The following SIK2 variants were observed in gnomAD, a reference collection of about 807,000 sequenced individuals.
SIK2 encodes the protein serine/threonine-protein kinase SIK2.
A neutral mutation model predicts 103.2 loss-of-function variants in SIK2; 29 were observed. That is an observed-to-expected ratio of 0.28 (90% confidence interval 0.21 to 0.38). The LOEUF (loss-of-function observed/expected upper bound fraction) is 0.38, where lower values mean the gene tolerates loss of function less well. SIK2 is among the 10% of genes least tolerant of loss of function. The probability of loss-of-function intolerance (pLI) is 1.00; values close to 1 mark genes in which losing one functional copy is unlikely to be tolerated. For synonymous variants in SIK2, 412 were observed against 446.1 expected (o/e 0.92, Z 0.96); for missense variants, 879 against 1,171.0 (o/e 0.75, Z 3.64).
At chr11:111,700,155 G>A (rs1348400571) in intron 4 of SIK2, among the ~76,000 whole-genome samples, 3 of 152,222 alleles carry the variant, frequency 2.0e-5, no homozygotes, top group Non-Finnish European at 2.9e-5. Flanking sequence ...CATCTAAGTA[G>A]TGTTTCCAGA....
chr11:111,641,614 A>G (rs1488961621), intron 3 of SIK2, among the ~76,000 whole-genome samples: 3 of 152,086 alleles, frequency 2.0e-5, no homozygotes, highest in Non-Finnish European at 4.4e-5. Context: ...TCAGCTCATG[A>G]TTAGGATCCC....
intron 3 of SIK2, among the ~76,000 whole-genome samples, chr11:111,655,207 G>A (rs375107404): frequency 1.5e-3 from 224 of 152,292 alleles, no homozygotes; most frequent in Non-Finnish European, 2.4e-3. Flanking sequence ...TTCAAGACCA[G>A]CCTGGCCAAC....
chr11:111,627,972 C>T (rs1201765432), intron 3 of SIK2, among the ~76,000 whole-genome samples: 1 of 152,152 alleles, frequency 6.6e-6, no homozygotes, highest in Non-Finnish European at 1.5e-5. Context: ...TAGTCAAGTA[C>T]ATTTTATATA....
chr11:111,629,383 T>G lies in SIK2; in HGVS notation c.316+8981T>G, dbSNP rs141426617. Reference sequence around the variant, plus strand: ...AGCCTGTACTGTTAGTAATTATACTTTAGCACCTGTCAAGAATTCCTGTTG... The same window carrying G: ...AGCCTGTACTGTTAGTAATTATACTGTAGCACCTGTCAAGAATTCCTGTTG... On this transcript the variant is annotated intron_variant, in intron 3 of 14. Transcript: ENST00000304987. Among the ~76,000 whole-genome samples, 56 of 152,326 alleles carry G rather than the reference T, an allele frequency of 3.7e-4. No individual in the cohort carries two copies. In the Middle Eastern group the frequency reaches 0.014, roughly 37 times the overall value.
At position 111,602,480 on chromosome 11, in the gene SIK2, C is replaced by G; in HGVS notation, c.-84C>G. 7.5e-7 allele frequency: 1 copy of G among 1,338,132 alleles called. No homozygotes were observed. Among genetic ancestry groups the G allele is most frequent in the East Asian group, 3.1e-5 (1 of 32,292 alleles). 82.9% of individuals were successfully genotyped at this position (1,338,132 alleles called of 1,614,324 possible). On this transcript the variant is annotated 5_prime_UTR_variant, in exon 1 of 15. Transcript: ENST00000304987. This position sits in a 1 kb window ranked among gnomAD's most constrained non-coding sequence, Gnocchi z 4.5. ...CGAAGGAGCGAAGGAGCAAGCGGAG[C>G]GGCCGTCGCCCAAGCCAAGCCGCGC...
intron 2 of SIK2, 22 bp downstream of exon 2, chr11:111,616,381 T>C (rs1163419095): frequency 7.6e-7 from 1 of 1,309,428 alleles, no homozygotes. Context: ...CCTAACACTA[T>C]CTCCATTCAT....
intron 1 of SIK2, among the ~76,000 whole-genome samples, chr11:111,605,471 G>A (rs1941637773): frequency 2.0e-5 from 3 of 152,140 alleles, no homozygotes; most frequent in African/African-American, 7.2e-5. Flanking sequence ...AGTAGTTATA[G>A]TGGAACAATG....
intron 3 of SIK2, among the ~76,000 whole-genome samples, chr11:111,637,860 C>T (rs1246721485): frequency 6.6e-6 from 1 of 152,034 alleles, no homozygotes; most frequent in Admixed American, 6.6e-5. Context: ...TTCATTTCTT[C>T]GTGTAGTCTT....
At chr11:111,673,542 A>G (rs1942657138) in intron 3 of SIK2, among the ~76,000 whole-genome samples, 1 of 152,148 alleles carries the variant, frequency 6.6e-6, no homozygotes, top group African/African-American at 2.4e-5. Context: ...GCGTCTAGCA[A>G]TCAGATATTT....
At chr11:111,645,931 T>G (rs1565328701) in intron 3 of SIK2, among the ~76,000 whole-genome samples, 1 of 152,134 alleles carries the variant, frequency 6.6e-6, no homozygotes, top group Admixed American at 6.5e-5. Context: ...TTCTGGTAAT[T>G]TTTTATTTCT....
chr11:111,620,951 A>T (rs971741899), intron 3 of SIK2, among the ~76,000 whole-genome samples: 1 of 152,142 alleles, frequency 6.6e-6, no homozygotes, highest in Non-Finnish European at 1.5e-5. Context: ...TTCGAACTTT[A>T]AAAAAAATTT....
intron 8 of SIK2, among the ~76,000 whole-genome samples, chr11:111,711,649 C>T (rs1943499784): frequency 6.6e-6 from 1 of 152,222 alleles, no homozygotes; most frequent in African/African-American, 2.4e-5. Context: ...GTTCCTGTCA[C>T]CCCATGTGAC....
chr11:111,660,970 G>A (rs1263419805), intron 3 of SIK2, among the ~76,000 whole-genome samples: 1 of 150,734 alleles, frequency 6.6e-6, no homozygotes, highest in Admixed American at 6.7e-5. Flanking sequence ...GAGTAGCTGG[G>A]ATTAAGGCAC....
At position 111,722,874 on chromosome 11, in the gene SIK2, T is replaced by A; in HGVS notation, c.2147+118T>A. On this transcript the variant is annotated intron_variant, in intron 14 of 14. Coordinates refer to ENST00000304987, the MANE Select transcript of SIK2 (RefSeq NM_015191.3). This position sits in a 1 kb window ranked among gnomAD's most constrained non-coding sequence, Gnocchi z 4.4. ...CTACTAGGAAAATAGGTTTTCTGCGTGTGTCACAGGCCCTCTGAGCACGAT... is the reference window on the plus strand; with the variant it reads ...CTACTAGGAAAATAGGTTTTCTGCGAGTGTCACAGGCCCTCTGAGCACGAT... 2 of 890,766 alleles carry A rather than the reference T, an allele frequency of 2.2e-6. No individual in the cohort carries two copies. The highest frequency in any genetic ancestry group is 3.5e-6 in the Non-Finnish European group (2 of 571,486). The allele number at this position is 890,766 out of a possible 1,614,324, so 55.2% of individuals were successfully genotyped here. A position where few individuals can be genotyped will look rare whatever the true frequency, so the allele number is the denominator to read the frequency against.
At chr11:111,713,844 G>A (rs1399590319) in intron 9 of SIK2, among the ~76,000 whole-genome samples, 2 of 152,098 alleles carry the variant, frequency 1.3e-5, no homozygotes, top group Non-Finnish European at 2.9e-5. Context: ...GCGGGCGCCT[G>A]TAATCCCAGC....
chr11:111,619,022 C>T (rs1279193383), intron 2 of SIK2, among the ~76,000 whole-genome samples: 1 of 152,182 alleles, frequency 6.6e-6, no homozygotes, highest in African/African-American at 2.4e-5. Flanking sequence ...AGGAATGAGC[C>T]ACCCATGCCT....
intron 8 of SIK2, among the ~76,000 whole-genome samples, chr11:111,711,306 A>G (rs985620617): frequency 6.6e-6 from 1 of 152,048 alleles, no homozygotes; most frequent in African/African-American, 2.4e-5. Flanking sequence ...TATTTTTAGT[A>G]GAGACGGGGT....
At chr11:111,626,995 G>C (rs1387458061) in intron 3 of SIK2, among the ~76,000 whole-genome samples, 1 of 152,172 alleles carries the variant, frequency 6.6e-6, no homozygotes, top group Non-Finnish European at 1.5e-5. Context: ...AGAGATTGGT[G>C]CCCAAGAAGG....
intron 4 of SIK2, among the ~76,000 whole-genome samples, chr11:111,693,338 A>T (rs1942995439): frequency 6.6e-6 from 1 of 152,086 alleles, no homozygotes; most frequent in Non-Finnish European, 1.5e-5. Flanking sequence ...TCTCAAAAAA[A>T]AAAAAAAAAC....
Sources: allele counts gnomAD v4.1 joint callset (sites outside exome capture counted in the v4.1 genomes callset), GRCh38; gene constraint gnomAD v4.1.1; non-coding constraint Gnocchi (gnomAD v3.1); transcripts MANE v1.5; gene names NCBI Gene and HGNC (gene_info 2026-07-23, HGNC 2026-07-21).